The following MYLK variants were observed in gnomAD, a reference collection of about 807,000 sequenced individuals.
The protein encoded by MYLK is myosin light chain kinase, smooth muscle.
A neutral mutation model predicts 203.4 loss-of-function variants in MYLK; 106 were observed. That is an observed-to-expected ratio of 0.52 (90% CI 0.45 to 0.61). The LOEUF (loss-of-function observed/expected upper bound fraction) is 0.61, where lower values mean the gene tolerates loss of function less well. MYLK is among the 20% of genes least tolerant of loss of function. MYLK has a pLI of 0.00. For synonymous variants in MYLK, 867 were observed against 959.5 expected (o/e 0.90, Z 1.78); for missense variants, 2,072 against 2,442.3 (o/e 0.85, Z 3.20).
chr3:123,752,176 C>G (rs1391935695), intron 5 of MYLK, among the ~76,000 whole-genome samples, 155 bp downstream of exon 5: 1 of 152,162 alleles, frequency 6.6e-6, no homozygotes, highest in African/African-American at 2.4e-5. Context: ...GACCACATCT[C>G]TCCCATTAGA....
chr3:123,649,202 G>C lies in MYLK; in HGVS notation c.4289-8C>G. 1 of 1,612,294 alleles carries C rather than the reference G, an allele frequency of 6.2e-7. No homozygotes were observed. The highest frequency in any genetic ancestry group is 8.5e-7 in the Non-Finnish European group (1 of 1,179,992). On this transcript the variant is annotated splice_polypyrimidine_tract_variant and splice_region_variant and intron_variant, in intron 24 of 33. Coordinates refer to ENST00000360304, the MANE Select transcript of MYLK (RefSeq NM_053025.4). ...CCACTTCATCCTTCGGCTCTGGGGG[G>C]GGCACAAGGAAGGACAGAGAGGACA... is the stretch of plus-strand genomic sequence containing the variant.
At chr3:123,835,055 G>A (rs192394637) in intron 2 of MYLK, among the ~76,000 whole-genome samples, 3 of 152,304 alleles carry the variant, frequency 2.0e-5, no homozygotes, top group Admixed American at 6.5e-5. Flanking sequence ...GACACAACTG[G>A]AACACAAAAA....
rs929789844 is a variant in MYLK at position 123,613,692 on chromosome 3, G to T, written c.*413C>A. ...TCTCTAGAGTCAGGGGGTGGGGAGA[G>T]AGAGGCCTCCCATCCCCAGGAACCC... On this transcript the variant is annotated 3_prime_UTR_variant, in exon 34 of 34. Transcript: ENST00000360304. 5.2e-5 allele frequency: 12 copies of T among 229,494 alleles called. No individual in the cohort carries two copies. Among genetic ancestry groups the T allele is most frequent in the Non-Finnish European group, 1.0e-4 (12 of 115,566 alleles). 14.2% of individuals were successfully genotyped at this position (229,494 alleles called of 1,614,324 possible).
intron 3 of MYLK, among the ~76,000 whole-genome samples, chr3:123,807,094 T>C (rs1321518404): frequency 6.6e-6 from 1 of 152,158 alleles, no homozygotes; most frequent in African/African-American, 2.4e-5. Flanking sequence ...GAACTTCAAA[T>C]CCAACTTGGC....
At position 123,831,488 on chromosome 3, in the gene MYLK, C is replaced by T. The variant is rs2066327014; in HGVS notation, c.-4+60G>A. On this transcript the variant is annotated intron_variant, in intron 3 of 33. Transcript: ENST00000360304. The stretch of plus-strand genomic sequence containing the variant: ...GACACACAGCTCCCCTCTCTGCAGC[C>T]TCCCCAGGGTGGACTGAGGAGGAAT... 4 of 1,240,064 alleles carry T rather than the reference C, an allele frequency of 3.2e-6. No individual in the cohort carries two copies. In the Admixed American group the frequency reaches 7.0e-5, roughly 22 times the overall value. The allele number at this position is 1,240,064 out of a possible 1,614,324, so 76.8% of individuals were successfully genotyped here. A position where few individuals can be genotyped will look rare whatever the true frequency, so the allele number is the denominator to read the frequency against.
chr3:123,763,491 T>C (rs1355095063), intron 4 of MYLK, among the ~76,000 whole-genome samples: 1 of 152,242 alleles, frequency 6.6e-6, no homozygotes, highest in Non-Finnish European at 1.5e-5. Flanking sequence ...AGATCTGGCA[T>C]TTCCAAAAGT....
intron 31 of MYLK, among the ~76,000 whole-genome samples, chr3:123,625,471 GAA>G (rs35888792): frequency 4.4e-5 from 6 of 137,406 alleles, no homozygotes; most frequent in Non-Finnish European, 1.6e-5. Flanking sequence ...TTGTCTCGAG[GAA>G]AAAAAAAAAA....
chr3:123,875,584 C>A (rs1191020044), intron 2 of MYLK, among the ~76,000 whole-genome samples: 1 of 152,150 alleles, frequency 6.6e-6, no homozygotes, highest in African/African-American at 2.4e-5. Context: ...CAGAACTGAA[C>A]TTCCTCATAA....
intron 13 of MYLK, among the ~76,000 whole-genome samples, chr3:123,710,919 A>C (rs143758124): frequency 1.3e-3 from 197 of 152,310 alleles, no homozygotes; most frequent in African/African-American, 4.5e-3. Context: ...AGGGTACCGC[A>C]ACAGGGATGA....
intron 5 of MYLK, among the ~76,000 whole-genome samples, chr3:123,740,931 G>A (rs370411250): frequency 6.6e-6 from 1 of 152,220 alleles, no homozygotes; most frequent in South Asian, 2.1e-4. Context: ...CTGCAGCTGG[G>A]AGGGACAATT....
intron 13 of MYLK, among the ~76,000 whole-genome samples, chr3:123,721,703 A>G (rs1487107771): frequency 3.6e-4 from 54 of 151,678 alleles, no homozygotes; most frequent in African/African-American, 1.3e-3. Flanking sequence ...GGAATACGTG[A>G]GTGCTCTCCC....
intron 2 of MYLK, among the ~76,000 whole-genome samples, chr3:123,832,950 A>G (rs908350597): frequency 1.3e-5 from 2 of 152,110 alleles, no homozygotes; most frequent in South Asian, 4.2e-4. Context: ...ATCACAAAGG[A>G]GAGAGAGAGG....
At position 123,707,788 on chromosome 3, in the gene MYLK, G is replaced by A; in HGVS notation, c.2356C>T (p.Pro786Ser). 1 of 1,614,220 alleles carries A rather than the reference G, an allele frequency of 6.2e-7. No individual in the cohort carries two copies. Among genetic ancestry groups the A allele is most frequent in the Non-Finnish European group, 8.5e-7 (1 of 1,180,046 alleles). ...VFTLVLKKVQ[P>S]WHAGQYEILL... ...ATCTCATACTGGCCGGCATGCCAGG[G>A]CTGCACCTTCTTTAGAACCAGGGTG... is the stretch of plus-strand genomic sequence containing the variant. The change falls in exon 16 of 34, where the codon CCC becomes TCC. Residue 786 changes from proline (P) to serine (S), a missense_variant. This residue lies in a region of MYLK where 865 missense variants were observed against 1,016.0 expected (regional missense o/e 0.85). Transcript: ENST00000360304.
chr3:123,805,433 C>A (rs1202715138), intron 3 of MYLK, among the ~76,000 whole-genome samples: 3 of 152,192 alleles, frequency 2.0e-5, no homozygotes, highest in Non-Finnish European at 2.9e-5. Context: ...GTTTCTCCAA[C>A]ACGCCAGAGG....
intron 1 of MYLK, among the ~76,000 whole-genome samples, chr3:123,878,559 G>C (rs1259172178): frequency 6.6e-6 from 1 of 152,206 alleles, no homozygotes; most frequent in African/African-American, 2.4e-5. Context: ...TAGAGAAGCA[G>C]GTGGGCAGAT....
rs138109280 is a variant in MYLK, at chr3:123,639,146, T to A, written c.4838-952A>T. 2,688 of 804,088 alleles carry A rather than the reference T, an allele frequency of 3.3e-3. 49 individuals carry two copies. The African/African-American group carries it at 0.04, about 12-fold the overall frequency. 49.8% of individuals were successfully genotyped at this position (804,088 alleles called of 1,614,324 possible). The stretch of plus-strand genomic sequence containing the variant: ...CCGACTCCTGAGGACAGTGGCCTAT[T>A]TGTTTAATTTATTGGTGGTCACTGT... On this transcript the variant is annotated intron_variant, in intron 28 of 33. Coordinates refer to ENST00000360304, the MANE Select transcript of MYLK (RefSeq NM_053025.4).
At chr3:123,621,443 G>T (rs1009702486) in intron 31 of MYLK, 12 of 152,168 alleles carry the variant, frequency 7.9e-5, no homozygotes, top group African/African-American at 2.7e-4. Context: ...TGTACTCGTT[G>T]CATCTCAAAC....
chr3:123,756,126 T>C (rs1372207843), intron 4 of MYLK, among the ~76,000 whole-genome samples: 4 of 152,224 alleles, frequency 2.6e-5, no homozygotes, highest in Non-Finnish European at 5.9e-5. Context: ...TTGGAGACCA[T>C]AATTTTGGTT....
At chr3:123,684,135 A>G (rs1044402054) in intron 19 of MYLK, among the ~76,000 whole-genome samples, 2 of 152,142 alleles carry the variant, frequency 1.3e-5, no homozygotes, top group South Asian at 2.1e-4. Context: ...TCCTCTGGAC[A>G]TAGTTATTTG....
Sources: allele counts gnomAD v4.1 joint callset (sites outside exome capture counted in the v4.1 genomes callset), GRCh38; gene constraint gnomAD v4.1.1; regional missense constraint gnomAD v4.1.1; transcripts MANE v1.5; gene names NCBI Gene and HGNC (gene_info 2026-07-23, HGNC 2026-07-21).